SYNDIG1: variants seen among roughly 807,000 people sequenced by gnomAD.
SYNDIG1 encodes the protein synapse differentiation-inducing gene protein 1.
In SYNDIG1, 9 loss-of-function variants were observed where a neutral mutation model predicts 19.4. The ratio of observed to expected loss-of-function variants is 0.46; its 90% CI spans 0.28 to 0.81. The LOEUF is 0.81. SYNDIG1 is among the 30% of genes least tolerant of loss of function. The pLI is 0.12. For synonymous variants in SYNDIG1, 141 were observed against 145.9 expected (o/e 0.97, Z 0.24); for missense variants, 311 against 343.3 (o/e 0.91, Z 0.74).
At chr20:24,590,267 G>A (rs891841800) in intron 3 of SYNDIG1, among the ~76,000 whole-genome samples, 21 of 152,036 alleles carry the variant, frequency 1.4e-4, no homozygotes, top group Non-Finnish European at 2.9e-4. Context: ...CGTGGGGCAG[G>A]TGGGGCCGGC....
At chr20:24,557,877 C>T (rs1171515009) in intron 2 of SYNDIG1, among the ~76,000 whole-genome samples, 3 of 152,182 alleles carry the variant, frequency 2.0e-5, no homozygotes, top group Non-Finnish European at 2.9e-5. Flanking sequence ...TTCTGCGTCG[C>T]TCATGCTAGG....
intron 3 of SYNDIG1, among the ~76,000 whole-genome samples, chr20:24,607,355 C>T (rs1191896868): frequency 7.8e-6 from 1 of 127,714 alleles, no homozygotes; most frequent in Admixed American, 9.0e-5. Flanking sequence ...AGCAAGACTC[C>T]GTCTCAAAAA....
chr20:24,601,901 G>A (rs563081671), intron 3 of SYNDIG1, among the ~76,000 whole-genome samples: 35 of 151,822 alleles, frequency 2.3e-4, no homozygotes, highest in African/African-American at 8.2e-4. Context: ...ATTTATTCTT[G>A]CAGGTATGAT....
intron 3 of SYNDIG1, among the ~76,000 whole-genome samples, chr20:24,597,920 A>C (rs909270617): frequency 6.6e-6 from 1 of 152,202 alleles, no homozygotes; most frequent in Non-Finnish European, 1.5e-5. Flanking sequence ...ACTGCAGCAT[A>C]GAGGTGCATT....
intron 1 of SYNDIG1, among the ~76,000 whole-genome samples, chr20:24,493,672 A>C (rs2056219557): frequency 6.6e-6 from 1 of 152,252 alleles, no homozygotes; most frequent in African/African-American, 2.4e-5. Context: ...AGCACCTAGA[A>C]GATGCTCAAA....
intron 3 of SYNDIG1, among the ~76,000 whole-genome samples, chr20:24,655,466 C>A (rs2059515643): frequency 6.6e-6 from 1 of 152,238 alleles, no homozygotes; most frequent in East Asian, 1.9e-4. Flanking sequence ...AGGTAGTTGA[C>A]AAATTGATAA....
intron 2 of SYNDIG1, among the ~76,000 whole-genome samples, chr20:24,550,757 G>T (rs572175186): frequency 2.0e-5 from 3 of 152,044 alleles, no homozygotes; most frequent in Non-Finnish European, 4.4e-5. Flanking sequence ...TGATCTGCCC[G>T]CCTCGGCCTC....
intron 1 of SYNDIG1, among the ~76,000 whole-genome samples, chr20:24,506,597 GGAA>G (rs1304877981): frequency 6.6e-6 from 1 of 152,198 alleles, no homozygotes; most frequent in East Asian, 1.9e-4. Context: ...GTCCTTCTCT[GGAA>G]GCCCAGCCTG....
chr20:24,552,662 G>A lies in SYNDIG1; in HGVS notation c.480+9085G>A, dbSNP rs918894343. On this transcript the variant is annotated intron_variant, in intron 2 of 3. Coordinates refer to ENST00000376862, the MANE Select transcript of SYNDIG1 (RefSeq NM_024893.3). ...ACTCATCATTTTTTATGGCTGCATA[G>A]TATTGCATGGTGTATATGTGCCACA... Among the ~76,000 whole-genome samples, 196 of 152,242 alleles carry A rather than the reference G, an allele frequency of 1.3e-3. 1 individual carries two copies. Among genetic ancestry groups the A allele is most frequent in the African/African-American group, 4.5e-3 (187 of 41,550 alleles).
chr20:24,508,590 AT>A (rs578082452), intron 1 of SYNDIG1, among the ~76,000 whole-genome samples: 233 of 152,352 alleles, frequency 1.5e-3, no homozygotes, highest in African/African-American at 5.4e-3. Context: ...AATAAAAGAG[AT>A]TTTTAAACAA....
chr20:24,645,997 C>T (rs1159368520), intron 3 of SYNDIG1, among the ~76,000 whole-genome samples: 2 of 152,154 alleles, frequency 1.3e-5, no homozygotes, highest in Non-Finnish European at 2.9e-5. Context: ...GTAACCTTGT[C>T]CCACACAGAG....
intron 2 of SYNDIG1, among the ~76,000 whole-genome samples, chr20:24,550,644 G>T: frequency 6.6e-6 from 1 of 151,968 alleles, no homozygotes. Context: ...GAGTAGCTGG[G>T]ACTACAGGCG....
Position 24,506,406 on chromosome 20 carries a change from G to A in SYNDIG1, c.-78-36614G>A, listed in dbSNP as rs565553655. Reference sequence around the variant, plus strand: ...GAAACCACTCCAGGTTTAGGAGACAGAAATTCCCCCAAGCGCCAAAGAGAG... The same window carrying A: ...GAAACCACTCCAGGTTTAGGAGACAAAAATTCCCCCAAGCGCCAAAGAGAG... On this transcript the variant is annotated intron_variant, in intron 1 of 3. Coordinates refer to ENST00000376862, the MANE Select transcript of SYNDIG1 (RefSeq NM_024893.3). Among the ~76,000 whole-genome samples the A allele has an allele frequency of 2.0e-5, 3 of 152,360 alleles. No individual in the cohort carries two copies. The East Asian group carries it at 5.8e-4, about 29-fold the overall frequency.
At chr20:24,641,966 C>G (rs1239418638) in intron 3 of SYNDIG1, among the ~76,000 whole-genome samples, 1 of 152,230 alleles carries the variant, frequency 6.6e-6, no homozygotes, top group Non-Finnish European at 1.5e-5. Flanking sequence ...TAATGAGCCA[C>G]TGCTAACACA....
chr20:24,637,409 G>T (rs1355447776), intron 3 of SYNDIG1, among the ~76,000 whole-genome samples: 1 of 152,172 alleles, frequency 6.6e-6, no homozygotes, highest in Non-Finnish European at 1.5e-5. Flanking sequence ...CAGTGGCATT[G>T]GAGAGACAGA....
rs1348148801 is a variant in SYNDIG1, at chr20:24,665,528, C to A, written c.*24C>A. On this transcript the variant is annotated 3_prime_UTR_variant, in exon 4 of 4. Coordinates refer to ENST00000376862, the MANE Select transcript of SYNDIG1 (RefSeq NM_024893.3). ...GAGCTTCCTGCGAATGGAGGGGGAG[C>A]ACCCGGGGCCAGGTCTGTGTGGACG... 4 of 1,613,746 alleles carry A rather than the reference C, an allele frequency of 2.5e-6. No homozygotes were observed. Among genetic ancestry groups the A allele is most frequent in the Non-Finnish European group, 3.4e-6 (4 of 1,179,904 alleles).
At chr20:24,620,934 A>T (rs1228761466) in intron 3 of SYNDIG1, among the ~76,000 whole-genome samples, 1 of 152,214 alleles carries the variant, frequency 6.6e-6, no homozygotes, top group Admixed American at 6.5e-5. Flanking sequence ...GGTAAAAGGC[A>T]ATTTGACTGA....
intron 2 of SYNDIG1, among the ~76,000 whole-genome samples, chr20:24,562,518 G>A (rs2057966298): frequency 6.6e-6 from 1 of 152,100 alleles, no homozygotes; most frequent in Non-Finnish European, 1.5e-5. Context: ...TATTATCTTA[G>A]ACATTCTCAT....
At chr20:24,489,634 A>T (rs1337509623) in intron 1 of SYNDIG1, among the ~76,000 whole-genome samples, 1 of 152,190 alleles carries the variant, frequency 6.6e-6, no homozygotes, top group African/African-American at 2.4e-5. Context: ...ACACATGCTT[A>T]AACAGACATA....
Sources: allele counts gnomAD v4.1 joint callset (sites outside exome capture counted in the v4.1 genomes callset), GRCh38; gene constraint gnomAD v4.1.1; transcripts MANE v1.5; gene names NCBI Gene and HGNC (gene_info 2026-07-23, HGNC 2026-07-21).